DOCK1: variants seen among roughly 807,000 people sequenced by gnomAD.
DOCK1 encodes dedicator of cytokinesis protein 1.
In DOCK1, 138 loss-of-function variants were observed where a neutral mutation model predicts 262.7. That is an observed-to-expected ratio of 0.53 (90% CI 0.46 to 0.61). DOCK1 has a LOEUF of 0.61. Among genes scored for constraint, DOCK1 ranks in the 20% least tolerant of loss-of-function variants. The pLI, the probability that DOCK1 is intolerant of heterozygous loss-of-function variation, is 0.00. For missense variants in DOCK1, 1,908 were observed against 2,370.7 expected (o/e 0.80, Z 4.05); for synonymous variants, 866 against 867.4 (o/e 1.00, Z 0.03).
chr10:127,042,548 A>C, intron 19 of DOCK1, 77 bp from the exon 20 acceptor site: 30 of 1,281,494 alleles, frequency 2.3e-5, no homozygotes, highest in Non-Finnish European at 3.1e-5. Flanking sequence ...GGAGTACTGC[A>C]GAGATGATAG....
chr10:127,117,334 G>C (rs79032520), intron 25 of DOCK1, among the ~76,000 whole-genome samples: 17 of 152,170 alleles, frequency 1.1e-4, no homozygotes, highest in Non-Finnish European at 2.4e-4. Flanking sequence ...GTCCACCGCC[G>C]TGGTGCTGAT....
intron 29 of DOCK1, among the ~76,000 whole-genome samples, chr10:127,291,053 T>C (rs10829711): frequency 0.4 from 60,063 of 152,000 alleles, 12,076 homozygotes; most frequent in Admixed American, 0.45. Flanking sequence ...CAGCTGGGGC[T>C]TTGCATCCTC....
chr10:127,068,470 C>G (rs916220335), intron 23 of DOCK1, among the ~76,000 whole-genome samples: 1 of 20,922 alleles, frequency 4.8e-5, no homozygotes, highest in Admixed American at 6.2e-4. Context: ...TTCGCCCCTT[C>G]GTCTTTATAT....
intron 1 of DOCK1, among the ~76,000 whole-genome samples, chr10:126,910,213 C>T (rs2031564370): frequency 6.6e-6 from 1 of 152,230 alleles, no homozygotes; most frequent in Non-Finnish European, 1.5e-5. Flanking sequence ...TATATTTCTA[C>T]AAACCTGATT....
intron 29 of DOCK1, among the ~76,000 whole-genome samples, chr10:127,290,036 G>A (rs2061296921): frequency 6.7e-6 from 1 of 149,606 alleles, no homozygotes; most frequent in African/African-American, 2.5e-5. Flanking sequence ...TTTTCATTTG[G>A]TTATTTTTGC....
intron 27 of DOCK1, among the ~76,000 whole-genome samples, chr10:127,217,905 A>G (rs1318242793): frequency 6.6e-6 from 1 of 152,108 alleles, no homozygotes; most frequent in Non-Finnish European, 1.5e-5. Context: ...TTTTATGCAT[A>G]TGTTAAGCCA....
intron 29 of DOCK1, among the ~76,000 whole-genome samples, chr10:127,304,710 C>T (rs1486460716): frequency 6.6e-6 from 1 of 152,036 alleles, no homozygotes; most frequent in Non-Finnish European, 1.5e-5. Flanking sequence ...CATAGGGAGA[C>T]CTCATCTCTA....
intron 1 of DOCK1, 40 bp downstream of exon 1, chr10:126,905,603 C>T (rs891426661): frequency 6.3e-6 from 2 of 319,232 alleles, no homozygotes; most frequent in Non-Finnish European, 1.1e-5. Context: ...CGCCCCAAGC[C>T]CAGGCTCCGG....
In DOCK1 at chr10:127,249,479, T is replaced by C. The variant is rs566484304; in HGVS notation, c.2949+1370T>C. On this transcript the variant is annotated intron_variant, in intron 28 of 51. Transcript: ENST00000623213. Reference sequence around the variant, plus strand: ...CACACACACGCAGTCGTGTGTTGCTTAACAATTCTGCCAAATGCATCGTTA... The same window carrying C: ...CACACACACGCAGTCGTGTGTTGCTCAACAATTCTGCCAAATGCATCGTTA... 1.2e-3 allele frequency among the ~76,000 whole-genome samples: 189 copies of C among 151,870 alleles called. 2 individuals carry two copies. The highest frequency in any genetic ancestry group is 4.2e-3 in the African/African-American group (173 of 41,362).
Position 127,018,844 on chromosome 10 carries a change from T to C in DOCK1, c.1327+9T>C. ...GGAGATAATCATGCCTGGTAAGAACTGGCTTGTTCAGGGCTTCTCAGCATG... is the reference window on the plus strand; with the variant it reads ...GGAGATAATCATGCCTGGTAAGAACCGGCTTGTTCAGGGCTTCTCAGCATG... On this transcript the variant is annotated intron_variant, in intron 13 of 51. Transcript: ENST00000623213. The C allele has an allele frequency of 6.2e-7, 1 of 1,613,596 alleles. No homozygotes were observed. Among genetic ancestry groups the C allele is most frequent in the Admixed American group, 1.7e-5 (1 of 59,982 alleles).
At chr10:127,059,949 A>G (rs1193247853) in intron 22 of DOCK1, among the ~76,000 whole-genome samples, 1 of 152,164 alleles carries the variant, frequency 6.6e-6, no homozygotes, top group African/African-American at 2.4e-5. Context: ...CTTCTAGACA[A>G]AGTGGGGCTG....
intron 27 of DOCK1, among the ~76,000 whole-genome samples, chr10:127,201,693 C>A (rs946906043): frequency 5.9e-5 from 9 of 152,142 alleles, no homozygotes; most frequent in African/African-American, 2.2e-4. Flanking sequence ...CCTCTCCCCT[C>A]ACAATCCCTC....
At chr10:126,976,318 T>A (rs889717602) in intron 2 of DOCK1, among the ~76,000 whole-genome samples, 1 of 152,172 alleles carries the variant, frequency 6.6e-6, no homozygotes, top group African/African-American at 2.4e-5. Flanking sequence ...GTCTGTTGAG[T>A]CTCCAGTCAA....
chr10:127,139,609 G>A (rs2051028025), intron 27 of DOCK1, among the ~76,000 whole-genome samples: 1 of 152,176 alleles, frequency 6.6e-6, no homozygotes, highest in Non-Finnish European at 1.5e-5. Context: ...GCAGTCTAAG[G>A]CTGTGCTGCA....
intron 27 of DOCK1, among the ~76,000 whole-genome samples, chr10:127,247,096 G>A (rs2489420): frequency 1 from 151,996 of 152,324 alleles, 75,835 homozygotes; most frequent in Non-Finnish European, 1. Context: ...CTCACAACCC[G>A]CCACCAAAGC....
At chr10:127,384,721 A>C (rs1350756093) in intron 37 of DOCK1, 69 bp from the exon 38 acceptor site, 1 of 1,456,838 alleles carries the variant, frequency 6.9e-7, no homozygotes, top group South Asian at 1.6e-5. Context: ...TCCGATGCGA[A>C]GCTCACACCA....
chr10:127,125,193 A>AGT (rs1199574263), intron 25 of DOCK1, among the ~76,000 whole-genome samples: 1 of 152,158 alleles, frequency 6.6e-6, no homozygotes, highest in Non-Finnish European at 1.5e-5. Flanking sequence ...GTGGGATATA[A>AGT]GTGTGTGTGT....
At position 126,963,673 on chromosome 10, in the gene DOCK1, C is replaced by CCTTCCTTCCTTCCTTCCTT. The variant is rs2037453675; in HGVS notation, c.47-7028_47-7027insTTCCTTCCTTCCTTCCTTC. Among the ~76,000 whole-genome samples, 26 of 82,454 alleles carry CCTTCCTTCCTTCCTTCCTT rather than the reference C, an allele frequency of 3.2e-4. 1 individual carries two copies. The highest frequency in any genetic ancestry group is 1.3e-3 in the African/African-American group (26 of 20,240). 54.1% of individuals were successfully genotyped at this position (82,454 alleles called of 152,430 possible). A position where few individuals can be genotyped will look rare whatever the true frequency, so the allele number is the denominator to read the frequency against. On this transcript the variant is annotated intron_variant, in intron 1 of 51. Coordinates refer to ENST00000623213, the MANE Select transcript of DOCK1 (RefSeq NM_001290223.2). ...TTCCTTCCTTCCTTCCTTCCTTCCT[C>CCTTCCTTCCTTCCTTCCTT]CCTCCCTTCCTCCCTTCCTTCCTTC...
intron 29 of DOCK1, among the ~76,000 whole-genome samples, chr10:127,333,320 C>T (rs1374993494): frequency 6.6e-6 from 1 of 152,172 alleles, no homozygotes; most frequent in African/African-American, 2.4e-5. Context: ...CTGCCTTTCT[C>T]CACATTCTCC....
Sources: allele counts gnomAD v4.1 joint callset (sites outside exome capture counted in the v4.1 genomes callset), GRCh38; gene constraint gnomAD v4.1.1; transcripts MANE v1.5; gene names NCBI Gene and HGNC (gene_info 2026-07-23, HGNC 2026-07-21).